The following ANKRD50 variants were observed in gnomAD, a reference collection of about 807,000 sequenced individuals.
ANKRD50 encodes the protein ankyrin repeat domain-containing protein 50.
ANKRD50 carries 40 observed loss-of-function variants against 112.0 expected under a neutral mutation model. The observed-to-expected ratio is 0.36, with a 90% CI of 0.28 to 0.46. ANKRD50 has a LOEUF of 0.46. ANKRD50 is among the 20% of genes least tolerant of loss of function. The pLI, the probability that ANKRD50 is intolerant of heterozygous loss-of-function variation, is 1.00. For synonymous variants in ANKRD50, 613 were observed against 619.1 expected (o/e 0.99, Z 0.15); for missense variants, 1,487 against 1,701.7 (o/e 0.87, Z 2.22).
intron 2 of ANKRD50, among the ~76,000 whole-genome samples, chr4:124,706,643 T>C (rs1436255038): frequency 2.0e-5 from 3 of 152,116 alleles, no homozygotes; most frequent in Admixed American, 6.5e-5. Flanking sequence ...CAACTTTCTA[T>C]AACTATTAAA....
rs1170871126 is a variant in ANKRD50 at position 124,666,767 on chromosome 4, T to G, written c.*751A>C. 4 of 152,394 alleles carry G rather than the reference T, an allele frequency of 2.6e-5. No individual in the cohort carries two copies. Among genetic ancestry groups the G allele is most frequent in the Non-Finnish European group, 5.9e-5 (4 of 67,918 alleles). The allele number at this position is 152,394 out of a possible 1,614,324, so 9.4% of individuals were successfully genotyped here. Reference sequence around the variant, plus strand: ...TGACAAAGTGAATGGAAGATGAAATTGTATCCCAGCGGATGAAATAGGACT... The same window carrying G: ...TGACAAAGTGAATGGAAGATGAAATGGTATCCCAGCGGATGAAATAGGACT... On this transcript the variant is annotated 3_prime_UTR_variant, in exon 5 of 5. Coordinates refer to ENST00000504087, the MANE Select transcript of ANKRD50 (RefSeq NM_020337.3).
intron 2 of ANKRD50, among the ~76,000 whole-genome samples, chr4:124,687,279 G>T (rs1359800890): frequency 1.3e-5 from 2 of 151,460 alleles, no homozygotes; most frequent in Admixed American, 6.6e-5. Context: ...TTTTGTTTTT[G>T]TTTTTTTTCC....
At chr4:124,676,207 A>G (rs555082683) in intron 3 of ANKRD50, among the ~76,000 whole-genome samples, 119 of 151,902 alleles carry the variant, frequency 7.8e-4, no homozygotes, top group African/African-American at 2.3e-3. Context: ...GTAGAAAGAA[A>G]GCATATTTTA....
At chr4:124,700,775 G>T (rs1321673226) in intron 2 of ANKRD50, among the ~76,000 whole-genome samples, 1 of 152,046 alleles carries the variant, frequency 6.6e-6, no homozygotes, top group Non-Finnish European at 1.5e-5. Context: ...TTGCAGGTTG[G>T]GTCCCATCTG....
At position 124,671,915 on chromosome 4, in the gene ANKRD50, T is replaced by G; in HGVS notation, c.1362A>C (p.Glu454Asp). 1 of 1,613,908 alleles carries G rather than the reference T, an allele frequency of 6.2e-7. No homozygotes were observed. Among genetic ancestry groups the G allele is most frequent in the Non-Finnish European group, 8.5e-7 (1 of 1,179,882 alleles). ...TTGAGTTAATTAAGTGCAATGCAAA[T>G]TCTTGTGCTTCCAATGGTGTTAAAT... ...AKNLTPLEAQ[E>D]FALHLINSNL... is the part of the protein sequence containing the mutation. The change falls in exon 4 of 5, where the codon GAA becomes GAC. Residue 454 changes from glutamate (E) to aspartate (D), a missense_variant. By Grantham distance (45) the Glu-to-Asp change is conservative. Coordinates refer to ENST00000504087, the MANE Select transcript of ANKRD50 (RefSeq NM_020337.3).
chr4:124,675,685 T>G (rs373335022), intron 3 of ANKRD50, among the ~76,000 whole-genome samples: 2 of 151,942 alleles, frequency 1.3e-5, no homozygotes, highest in South Asian at 2.1e-4. Flanking sequence ...CCTGTAATAC[T>G]TTTATAATCA....
At chr4:124,684,247 A>G (rs1042483736) in intron 2 of ANKRD50, among the ~76,000 whole-genome samples, 1 of 152,054 alleles carries the variant, frequency 6.6e-6, no homozygotes, top group Non-Finnish European at 1.5e-5. Context: ...TTTTGAGTAA[A>G]TTCTTTCTGG....
At chr4:124,702,204 T>TTGTTA (rs1239205840) in intron 2 of ANKRD50, among the ~76,000 whole-genome samples, 1 of 152,132 alleles carries the variant, frequency 6.6e-6, no homozygotes, top group East Asian at 1.9e-4. Context: ...AAATTTGAAT[T>TTGTTA]TGTTATGTGG....
intron 2 of ANKRD50, among the ~76,000 whole-genome samples, chr4:124,680,703 T>G (rs187440849): frequency 2.6e-5 from 4 of 152,134 alleles, no homozygotes; most frequent in Non-Finnish European, 5.9e-5. Context: ...CCACTTCAGA[T>G]ATAGCACACA....
Position 124,671,479 on chromosome 4 carries a change from A to G in ANKRD50, c.1798T>C (p.Cys600Arg), listed in dbSNP as rs1730651317. The change falls in exon 4 of 5, where the codon TGT becomes CGT. Residue 600 changes from cysteine (C) to arginine (R), a missense_variant. Cys to Arg is a radical substitution (Grantham distance 180, BLOSUM62 -3). Transcript: ENST00000504087. ...TCAGTATGATTAATATTTGCTCCAC[A>G]CCCAATCAAACAATTAACCACCTTG... The part of the protein sequence containing the change: ...HTKVVNCLIG[C>R]GANINHTDQD... The G allele has an allele frequency of 6.2e-7, 1 of 1,613,662 alleles. No individual in the cohort carries two copies.
At chr4:124,699,259 A>C (rs897034109) in intron 2 of ANKRD50, among the ~76,000 whole-genome samples, 48 of 151,060 alleles carry the variant, frequency 3.2e-4, no homozygotes, top group African/African-American at 1.1e-3. Context: ...GATATGATAA[A>C]AAAAAAAAAA....
At chr4:124,695,924 T>C (rs547227746) in intron 2 of ANKRD50, among the ~76,000 whole-genome samples, 1 of 152,310 alleles carries the variant, frequency 6.6e-6, no homozygotes, top group African/African-American at 2.4e-5. Flanking sequence ...TTGTTTTAAT[T>C]AGCCTTTTCT....
chr4:124,672,108 T>C lies in ANKRD50; in HGVS notation c.1169A>G (p.Asp390Gly), dbSNP rs1730672250. ...ATCAACAAGAAGTTTGGAGAGGATA[T>C]CTAACTTGCGTTGAAAATCTTCCAA... ...LTLEDFQRKL[D>G]ILSKLLVDGL... Residue 390 changes from aspartate to glycine, a missense_variant, in exon 4 of 5, where the codon GAT (aspartate) becomes GGT (glycine). By Grantham distance (94) the Asp-to-Gly change is moderately conservative. Around this residue, in one of 2 missense-constraint regions of ANKRD50, gnomAD observed 1,046 missense variants for 1,269.5 expected, o/e 0.82. Transcript: ENST00000504087. 1 of 1,613,810 alleles carries C rather than the reference T, an allele frequency of 6.2e-7. No individual in the cohort carries two copies. Among genetic ancestry groups the C allele is most frequent in the African/African-American group, 1.3e-5 (1 of 74,906 alleles).
intron 2 of ANKRD50, among the ~76,000 whole-genome samples, chr4:124,699,248 A>C (rs1395580606): frequency 7.2e-6 from 1 of 138,246 alleles, no homozygotes; most frequent in African/African-American, 2.7e-5. Flanking sequence ...ATTTAGAAGC[A>C]GATATGATAA....
chr4:124,675,871 T>G (rs1434573611), intron 3 of ANKRD50, among the ~76,000 whole-genome samples: 1 of 151,816 alleles, frequency 6.6e-6, no homozygotes, highest in Non-Finnish European at 1.5e-5. Flanking sequence ...AAAGTCATTT[T>G]CATTAGATTA....
intron 2 of ANKRD50, among the ~76,000 whole-genome samples, chr4:124,696,639 G>T (rs1032180688): frequency 6.6e-6 from 1 of 151,970 alleles, no homozygotes; most frequent in African/African-American, 2.4e-5. Context: ...CTCCAAAGGA[G>T]CAAAAATAAC....
In ANKRD50 at chr4:124,671,375, G is replaced by A. The variant is rs371858594; in HGVS notation, c.1902C>T (p.Gly634=). Residue 634 remains glycine, a synonymous_variant, in exon 4 of 5, where the codon GGC becomes GGT. Coordinates refer to ENST00000504087, the MANE Select transcript of ANKRD50 (RefSeq NM_020337.3). ...CAGCATCTGCACAATCCACTTTTAC[G>A]CCAGCATAAAGTAGTGCAGAAACTA... The part of the protein sequence containing the change: ...TEVVSALLYA[G]VKVDCADADS... The A allele has an allele frequency of 6.2e-6, 10 of 1,613,598 alleles. No individual in the cohort carries two copies. Among genetic ancestry groups the A allele is most frequent in the South Asian group, 2.2e-5 (2 of 91,080 alleles).
At chr4:124,682,988 A>G (rs1724927382) in intron 2 of ANKRD50, among the ~76,000 whole-genome samples, 1 of 151,964 alleles carries the variant, frequency 6.6e-6, no homozygotes, top group Admixed American at 6.6e-5. Flanking sequence ...AGATTAAGGG[A>G]CACCTTTATG....
chr4:124,674,890 T>C (rs1730737223), intron 3 of ANKRD50, among the ~76,000 whole-genome samples: 1 of 151,870 alleles, frequency 6.6e-6, no homozygotes, highest in Admixed American at 6.6e-5. Flanking sequence ...GAACTAAGAA[T>C]ATCTATTAAT....
Sources: allele counts gnomAD v4.1 joint callset (sites outside exome capture counted in the v4.1 genomes callset), GRCh38; gene constraint gnomAD v4.1.1; regional missense constraint gnomAD v4.1.1; transcripts MANE v1.5; gene names NCBI Gene and HGNC (gene_info 2026-07-23, HGNC 2026-07-21).